PLCXD3: variants seen among roughly 807,000 people sequenced by gnomAD.
PLCXD3 encodes PI-PLC X domain-containing protein 3.
A neutral mutation model predicts 25.5 loss-of-function variants in PLCXD3; 19 were observed. That is an observed-to-expected ratio of 0.75 (90% confidence interval 0.52 to 1.09). PLCXD3 has a LOEUF of 1.09. Among genes scored for constraint, PLCXD3 ranks in the 50% least tolerant of loss-of-function variants. The pLI is 0.00. For missense variants in PLCXD3, 411 were observed against 388.1 expected (o/e 1.06, Z -0.50); for synonymous variants, 174 against 137.6 (o/e 1.26, Z -1.85).
intron 1 of PLCXD3, among the ~76,000 whole-genome samples, chr5:41,431,604 ATATCACC>A (rs1369806973): frequency 6.6e-6 from 1 of 152,216 alleles, no homozygotes; most frequent in Non-Finnish European, 1.5e-5. Flanking sequence ...TTATGTATAT[ATATCACC>A]TTTTTGTTCT....
chr5:41,484,857 C>T (rs916297537), intron 1 of PLCXD3, among the ~76,000 whole-genome samples: 1 of 152,252 alleles, frequency 6.6e-6, no homozygotes, highest in African/African-American at 2.4e-5. Context: ...TTTGTTCCTG[C>T]TGTATTCAAT....
intron 1 of PLCXD3, among the ~76,000 whole-genome samples, chr5:41,411,546 T>TTATTCTTTCTTA (rs1746519428): frequency 9.2e-5 from 14 of 152,208 alleles, no homozygotes; most frequent in Admixed American, 7.2e-4. Context: ...ATAAGAAATG[T>TTATTCTTTCTTA]TTATAAAACT....
intron 2 of PLCXD3, among the ~76,000 whole-genome samples, chr5:41,354,354 T>C (rs546266593): frequency 6.6e-6 from 1 of 152,258 alleles, no homozygotes; most frequent in South Asian, 2.1e-4. Context: ...CTCCCTCAAC[T>C]TGCTCTATGC....
intron 2 of PLCXD3, among the ~76,000 whole-genome samples, chr5:41,356,418 G>C (rs1744618773): frequency 6.6e-6 from 1 of 152,142 alleles, no homozygotes; most frequent in Non-Finnish European, 1.5e-5. Context: ...AAATTAATAA[G>C]GTGACACTGG....
intron 1 of PLCXD3, among the ~76,000 whole-genome samples, chr5:41,406,439 C>T (rs1331340357): frequency 1.3e-5 from 2 of 152,104 alleles, no homozygotes; most frequent in Non-Finnish European, 2.9e-5. Flanking sequence ...AGTATCTTCC[C>T]CTTTAAATCT....
chr5:41,432,100 G>A (rs1213658277), intron 1 of PLCXD3, among the ~76,000 whole-genome samples: 2 of 152,118 alleles, frequency 1.3e-5, no homozygotes, highest in Non-Finnish European at 2.9e-5. Context: ...TAATGTCCAC[G>A]ACAAGGGACC....
chr5:41,422,371 G>C (rs1561268752), intron 1 of PLCXD3, among the ~76,000 whole-genome samples: 4 of 152,146 alleles, frequency 2.6e-5, no homozygotes, highest in Admixed American at 2.6e-4. Flanking sequence ...TCTTACCTTT[G>C]ACTTTTACAA....
intron 1 of PLCXD3, among the ~76,000 whole-genome samples, chr5:41,488,318 C>T (rs1221312408): frequency 7.6e-6 from 1 of 131,664 alleles, no homozygotes; most frequent in African/African-American, 3.1e-5. Flanking sequence ...TTTCTTAATC[C>T]AGTCTATCAT....
rs551320078 is a variant in PLCXD3, at chr5:41,332,833, C to T, written c.813-19063G>A. 2.4e-3 allele frequency among the ~76,000 whole-genome samples: 370 copies of T among 152,218 alleles called. 2 individuals carry two copies. Among genetic ancestry groups the T allele is most frequent in the African/African-American group, 7.9e-3 (327 of 41,522 alleles). On this transcript the variant is annotated intron_variant, in intron 2 of 2. Transcript: ENST00000377801. ...ATTGGAAATCATCATTCTCAGTAAA[C>T]TATCGCAAGAACAAAAAACCAAGCA...
intron 1 of PLCXD3, among the ~76,000 whole-genome samples, chr5:41,423,638 A>G (rs892208631): frequency 1.3e-5 from 2 of 152,178 alleles, no homozygotes; most frequent in East Asian, 1.9e-4. Context: ...CTTTTCTAAT[A>G]TATACATAAA....
At chr5:41,382,933 T>C (rs1745517622) in intron 1 of PLCXD3, among the ~76,000 whole-genome samples, 1 of 152,050 alleles carries the variant, frequency 6.6e-6, no homozygotes, top group Non-Finnish European at 1.5e-5. Flanking sequence ...TTTCCTTGAT[T>C]TTGGGTTGAT....
intron 1 of PLCXD3, among the ~76,000 whole-genome samples, chr5:41,452,333 A>G (rs986949817): frequency 5.3e-5 from 8 of 152,090 alleles, no homozygotes; most frequent in African/African-American, 1.4e-4. Context: ...ATAAAGGAAT[A>G]CTAGTTAGAT....
intron 1 of PLCXD3, among the ~76,000 whole-genome samples, chr5:41,400,100 T>C (rs1188739159): frequency 6.6e-6 from 1 of 152,090 alleles, no homozygotes; most frequent in Non-Finnish European, 1.5e-5. Context: ...CACAATATCA[T>C]TGATTATCAG....
chr5:41,356,184 T>C (rs1337558777), intron 2 of PLCXD3, among the ~76,000 whole-genome samples: 2 of 152,142 alleles, frequency 1.3e-5, no homozygotes, highest in Non-Finnish European at 2.9e-5. Context: ...GATAATTGCT[T>C]GAACCCAGGA....
chr5:41,362,432 A>G (rs1744812934), intron 2 of PLCXD3, among the ~76,000 whole-genome samples: 1 of 152,218 alleles, frequency 6.6e-6, no homozygotes, highest in Non-Finnish European at 1.5e-5. Context: ...CATTTCTTCC[A>G]TAGGTAAAAT....
intron 2 of PLCXD3, among the ~76,000 whole-genome samples, chr5:41,357,208 A>G (rs1269017779): frequency 1.3e-5 from 2 of 152,208 alleles, no homozygotes; most frequent in Admixed American, 1.3e-4. Context: ...CTGACCTTTC[A>G]ATGGCTCCCT....
chr5:41,397,077 T>G (rs191337140), intron 1 of PLCXD3, among the ~76,000 whole-genome samples: 18 of 152,308 alleles, frequency 1.2e-4, no homozygotes, highest in Admixed American at 7.2e-4. Flanking sequence ...ACCCATTTTT[T>G]GGGGAAGAAT....
intron 1 of PLCXD3, among the ~76,000 whole-genome samples, chr5:41,459,534 C>T (rs1747828305): frequency 6.6e-6 from 1 of 151,822 alleles, no homozygotes; most frequent in African/African-American, 2.4e-5. Flanking sequence ...ACTAGCATCA[C>T]ACTGCTCAAG....
intron 1 of PLCXD3, among the ~76,000 whole-genome samples, chr5:41,481,190 C>T (rs994888136): frequency 6.6e-6 from 1 of 151,216 alleles, no homozygotes; most frequent in African/African-American, 2.4e-5. Flanking sequence ...TCTGCCTCAC[C>T]TAATACTTCC....
Sources: allele counts gnomAD v4.1 joint callset (sites outside exome capture counted in the v4.1 genomes callset), GRCh38; gene constraint gnomAD v4.1.1; transcripts MANE v1.5; gene names NCBI Gene and HGNC (gene_info 2026-07-23, HGNC 2026-07-21).